Variants in CCDC88A observed in about 807,000 individuals in gnomAD.
The protein encoded by CCDC88A is girdin.
In CCDC88A, 54 loss-of-function variants were observed where a neutral mutation model predicts 234.3. The observed-to-expected ratio is 0.23, with a 90% CI of 0.19 to 0.29. CCDC88A has a LOEUF of 0.29. Among genes scored for constraint, CCDC88A ranks in the 10% least tolerant of loss-of-function variants. The pLI is 1.00. For missense variants in CCDC88A, 1,832 were observed against 2,123.4 expected (o/e 0.86, Z 2.70); for synonymous variants, 753 against 737.8 (o/e 1.02, Z -0.33).
chr2:55,346,443 G>C (rs1395780730), intron 9 of CCDC88A, 110 bp from the exon 10 acceptor site: 9 of 590,762 alleles, frequency 1.5e-5, no homozygotes, highest in Admixed American at 1.1e-4. Context: ...ATTTGAGATG[G>C]AGTTTCACTC....
At chr2:55,323,536 G>A (rs555589969) in intron 17 of CCDC88A, 2 of 152,024 alleles carry the variant, frequency 1.3e-5, no homozygotes, top group East Asian at 3.9e-4. Flanking sequence ...CCTAGTTTCC[G>A]GGTTTTGTTT....
chr2:55,332,414 A>C lies in CCDC88A; in HGVS notation c.2855+152T>G. On this transcript the variant is annotated intron_variant, in intron 16 of 32. Coordinates refer to ENST00000436346, the MANE Select transcript of CCDC88A (RefSeq NM_001365480.1). This position sits in a 1 kb window ranked among gnomAD's most constrained non-coding sequence, Gnocchi z 4.5. ...TGGGATTATAGGTGTGAGCCACCGC[A>C]CCCGGCTACAGAACTTTCCTTAAGG... 1 of 1,311,340 alleles carries C rather than the reference A, an allele frequency of 7.6e-7. No individual in the cohort carries two copies. Among genetic ancestry groups the C allele is most frequent in the East Asian group, 3.1e-5 (1 of 32,626 alleles). The allele number at this position is 1,311,340 out of a possible 1,614,324, so 81.2% of individuals were successfully genotyped here. A position where few individuals can be genotyped will look rare whatever the true frequency, so the allele number is the denominator to read the frequency against.
intron 3 of CCDC88A, among the ~76,000 whole-genome samples, chr2:55,377,430 T>C (rs1201494366): frequency 3.3e-5 from 5 of 151,738 alleles, no homozygotes; most frequent in African/African-American, 1.2e-4. Flanking sequence ...AGTGGTGCGA[T>C]TACAGGCATA....
At chr2:55,354,068 G>C (rs993553858) in intron 8 of CCDC88A, among the ~76,000 whole-genome samples, 6 of 151,982 alleles carry the variant, frequency 3.9e-5, no homozygotes, top group African/African-American at 7.2e-5. Context: ...CAATGGTTAA[G>C]TATTTGTGTT....
chr2:55,322,019 G>C (rs573222380), intron 18 of CCDC88A, among the ~76,000 whole-genome samples: 1 of 150,626 alleles, frequency 6.6e-6, no homozygotes, highest in South Asian at 2.1e-4. Context: ...TTGTTGTTCA[G>C]TTTGTTTGCT....
At chr2:55,361,754 T>C (rs970007285) in intron 7 of CCDC88A, among the ~76,000 whole-genome samples, 7 of 152,236 alleles carry the variant, frequency 4.6e-5, no homozygotes, top group Non-Finnish European at 1.0e-4. Context: ...ACAGTGCAGA[T>C]AGAAAACTTG....
intron 12 of CCDC88A, among the ~76,000 whole-genome samples, chr2:55,340,753 C>T (rs1441874876): frequency 6.6e-6 from 1 of 152,098 alleles, no homozygotes; most frequent in African/African-American, 2.4e-5. Flanking sequence ...CATTCATTAT[C>T]CCTTTATAAA....
At chr2:55,362,279 T>C in intron 7 of CCDC88A, 29 bp downstream of exon 7, 1 of 1,525,240 alleles carries the variant, frequency 6.6e-7, no homozygotes. Context: ...AAGCAAACTT[T>C]CACAATATAC....
chr2:55,350,213 A>C (rs1669697905), intron 8 of CCDC88A: 1 of 152,286 alleles, frequency 6.6e-6, no homozygotes, highest in Non-Finnish European at 1.5e-5. Flanking sequence ...CACCGTGCCC[A>C]GCCTAAGCTA....
chr2:55,317,248 G>T lies in CCDC88A; in HGVS notation c.3704C>A (p.Thr1235Lys). The T allele has an allele frequency of 6.5e-7, 1 of 1,550,234 alleles. No homozygotes were observed. The highest frequency in any genetic ancestry group is 2.3e-5 in the East Asian group (1 of 43,402). ...KMLLENKNHE[T>K]VAAEYKKLCG... Reference sequence around the variant, plus strand: ...AAGTTTCTTGTATTCTGCAGCTACTGTTTCATGATTTTTATTTTCAAGCAG... The same window carrying T: ...AAGTTTCTTGTATTCTGCAGCTACTTTTTCATGATTTTTATTTTCAAGCAG... The change falls in exon 21 of 33, where the codon ACA (threonine) becomes AAA (lysine). Residue 1235 changes from threonine (T) to lysine (K), a missense_variant. Physicochemically the swap from Thr to Lys is moderately conservative, Grantham distance 78 (BLOSUM62 -1). Around this residue, in one of 6 missense-constraint regions of CCDC88A, gnomAD observed 1,282 missense variants for 1,543.6 expected, o/e 0.83. Coordinates refer to ENST00000436346, the MANE Select transcript of CCDC88A (RefSeq NM_001365480.1). This position sits in a 1 kb window ranked among gnomAD's most constrained non-coding sequence, Gnocchi z 4.2.
intron 3 of CCDC88A, among the ~76,000 whole-genome samples, chr2:55,376,121 C>T (rs1266230697): frequency 2.0e-5 from 3 of 151,896 alleles, no homozygotes; most frequent in African/African-American, 7.3e-5. Flanking sequence ...CTGTTTATAC[C>T]ACCTCTTCTT....
chr2:55,377,708 C>G (rs901465948), intron 3 of CCDC88A, among the ~76,000 whole-genome samples: 2 of 152,060 alleles, frequency 1.3e-5, no homozygotes, highest in African/African-American at 4.8e-5. Flanking sequence ...CTCCCAGGTT[C>G]AAGAGATTCT....
At chr2:55,325,000 A>G (rs1043637079) in intron 17 of CCDC88A, among the ~76,000 whole-genome samples, 7 of 152,180 alleles carry the variant, frequency 4.6e-5, no homozygotes, top group Admixed American at 3.3e-4. Flanking sequence ...TAGTTATAAC[A>G]CCTTATATTT....
At chr2:55,319,978 T>G (rs1012210253) in intron 18 of CCDC88A, among the ~76,000 whole-genome samples, 5 of 152,190 alleles carry the variant, frequency 3.3e-5, no homozygotes, top group African/African-American at 1.2e-4. Flanking sequence ...TTTTATTGGC[T>G]TTATGTTATA....
At chr2:55,392,790 G>A (rs1397597472) in intron 2 of CCDC88A, among the ~76,000 whole-genome samples, 1 of 152,144 alleles carries the variant, frequency 6.6e-6, no homozygotes, top group Non-Finnish European at 1.5e-5. Context: ...TTACTAACGA[G>A]CTTACATTTC....
At chr2:55,299,401 C>A (rs1402914669) in intron 29 of CCDC88A, among the ~76,000 whole-genome samples, 1 of 152,018 alleles carries the variant, frequency 6.6e-6, no homozygotes, top group African/African-American at 2.4e-5. Flanking sequence ...TATATATATA[C>A]ACAAATAGTT....
chr2:55,377,883 G>C (rs942339052), intron 3 of CCDC88A, among the ~76,000 whole-genome samples: 1 of 152,296 alleles, frequency 6.6e-6, no homozygotes, highest in East Asian at 1.9e-4. Flanking sequence ...TGAGATTACA[G>C]GTGTGAGCCA....
chr2:55,322,516 A>T lies in CCDC88A; in HGVS notation c.3162+12T>A. On this transcript the variant is annotated intron_variant, in intron 18 of 32. Transcript: ENST00000436346. ...AAAAAAACTATTTCTACTAAAATTT[A>T]AAAATACTTACATTTCTTTCTACTT... The T allele has an allele frequency of 6.7e-7, 1 of 1,492,832 alleles. No individual in the cohort carries two copies. Among genetic ancestry groups the T allele is most frequent in the Non-Finnish European group, 9.2e-7 (1 of 1,083,478 alleles). 92.5% of individuals were successfully genotyped at this position (1,492,832 alleles called of 1,614,324 possible). A position where few individuals can be genotyped will look rare whatever the true frequency, so the allele number is the denominator to read the frequency against.
Position 55,317,968 on chromosome 2 carries a change from G to A in CCDC88A, c.3325-127C>T. 2 of 660,092 alleles carry A rather than the reference G, an allele frequency of 3.0e-6. No homozygotes were observed. The highest frequency in any genetic ancestry group is 3.1e-5 in the Admixed American group (1 of 32,616). 40.9% of individuals were successfully genotyped at this position (660,092 alleles called of 1,614,324 possible). Reference sequence around the variant, plus strand: ...ACAGCACACATATTTACATTATACTGGGAAGACGTGGATTTTAGCTTCCCA... The same window carrying A: ...ACAGCACACATATTTACATTATACTAGGAAGACGTGGATTTTAGCTTCCCA... On this transcript the variant is annotated intron_variant, in intron 19 of 32. Transcript: ENST00000436346. The surrounding 1 kb of genome is among the most constrained non-coding windows in gnomAD (Gnocchi z 4.2).
Sources: allele counts gnomAD v4.1 joint callset (sites outside exome capture counted in the v4.1 genomes callset), GRCh38; gene constraint gnomAD v4.1.1; regional missense constraint gnomAD v4.1.1; non-coding constraint Gnocchi (gnomAD v3.1); transcripts MANE v1.5; gene names NCBI Gene and HGNC (gene_info 2026-07-23, HGNC 2026-07-21).